The following ARHGAP10 variants were observed in gnomAD, a reference collection of about 807,000 sequenced individuals.
The protein encoded by ARHGAP10 is rho GTPase-activating protein 10.
A neutral mutation model predicts 108.6 loss-of-function variants in ARHGAP10; 87 were observed. That is an observed-to-expected ratio of 0.80 (90% confidence interval 0.67 to 0.96). ARHGAP10 has a LOEUF of 0.96. ARHGAP10 is among the 40% of genes least tolerant of loss of function. The pLI, the probability that ARHGAP10 is intolerant of heterozygous loss-of-function variation, is 0.00. For synonymous variants in ARHGAP10, 347 were observed against 341.1 expected (o/e 1.02, Z -0.19); for missense variants, 939 against 954.5 (o/e 0.98, Z 0.21).
intron 16 of ARHGAP10, among the ~76,000 whole-genome samples, chr4:147,964,639 G>T (rs1739136577): frequency 6.6e-6 from 1 of 152,204 alleles, no homozygotes; most frequent in African/African-American, 2.4e-5. Flanking sequence ...TAGCCTATTT[G>T]CTGATATTTT....
chr4:147,865,674 T>C (rs11723235), intron 6 of ARHGAP10: 144,513 of 152,276 alleles, frequency 0.95, 68,970 homozygotes, highest in Non-Finnish European at 1. Flanking sequence ...ATTAAGATAA[T>C]ATTCACACAG....
At chr4:147,752,431 T>G (rs1425462083) in intron 1 of ARHGAP10, among the ~76,000 whole-genome samples, 1 of 152,098 alleles carries the variant, frequency 6.6e-6, no homozygotes, top group Admixed American at 6.5e-5. Context: ...TACAAAAAAT[T>G]GAAAAAAACG....
chr4:147,851,192 C>T (rs965655966), intron 4 of ARHGAP10, among the ~76,000 whole-genome samples: 4 of 152,044 alleles, frequency 2.6e-5, no homozygotes, highest in African/African-American at 9.7e-5. Flanking sequence ...CAAATTATGA[C>T]TTATCACCTA....
At chr4:147,889,369 G>A (rs548902002) in intron 10 of ARHGAP10, among the ~76,000 whole-genome samples, 2 of 152,278 alleles carry the variant, frequency 1.3e-5, no homozygotes, top group South Asian at 2.1e-4. Flanking sequence ...GCACGATCTC[G>A]GTTCACTGCA....
chr4:147,776,439 C>G (rs1730293731), intron 1 of ARHGAP10, among the ~76,000 whole-genome samples: 1 of 152,084 alleles, frequency 6.6e-6, no homozygotes, highest in Non-Finnish European at 1.5e-5. Context: ...AGGCTGGTCT[C>G]GAAAGGCTGA....
intron 18 of ARHGAP10, among the ~76,000 whole-genome samples, chr4:148,017,180 T>C (rs7678334): frequency 0.2 from 29,871 of 151,964 alleles, 3,915 homozygotes; most frequent in African/African-American, 0.37. Flanking sequence ...AACCCAGCAA[T>C]GCCTGACTGT....
At chr4:147,854,783 C>G in intron 4 of ARHGAP10, 1 of 985,326 alleles carries the variant, frequency 1.0e-6, no homozygotes, top group East Asian at 1.1e-4. Context: ...AAACAAAACA[C>G]AGCAGCATTT....
At chr4:147,858,445 T>G (rs1203603505) in intron 5 of ARHGAP10, 1 of 152,232 alleles carries the variant, frequency 6.6e-6, no homozygotes, top group African/African-American at 2.4e-5. Context: ...GTATTAAGTC[T>G]TGTGTAAACC....
intron 18 of ARHGAP10, among the ~76,000 whole-genome samples, chr4:147,978,518 T>C (rs1739686510): frequency 6.6e-6 from 1 of 151,858 alleles, no homozygotes; most frequent in Admixed American, 6.6e-5. Flanking sequence ...TGATAGTGAG[T>C]TTTTCTCAGA....
chr4:147,973,299 G>A (rs949383682), intron 18 of ARHGAP10, among the ~76,000 whole-genome samples: 5 of 152,196 alleles, frequency 3.3e-5, no homozygotes, highest in African/African-American at 9.7e-5. Flanking sequence ...GTTAGCTTAT[G>A]TCTGAGGTAG....
intron 1 of ARHGAP10, among the ~76,000 whole-genome samples, chr4:147,786,599 A>G (rs548891302): frequency 2.0e-5 from 3 of 152,324 alleles, no homozygotes; most frequent in Admixed American, 2.0e-4. Context: ...AAAAGTTTTA[A>G]TGTTTCAAAG....
intron 18 of ARHGAP10, among the ~76,000 whole-genome samples, chr4:148,015,356 G>A (rs1485646171): frequency 6.6e-6 from 1 of 152,166 alleles, no homozygotes; most frequent in East Asian, 1.9e-4. Flanking sequence ...CTGACTAGTG[G>A]TATGAATATG....
chr4:147,857,798 A>C, intron 5 of ARHGAP10, 144 bp downstream of exon 5: 1 of 689,206 alleles, frequency 1.5e-6, no homozygotes. Context: ...ATAAATTAAG[A>C]AAAAAGTCCT....
intron 1 of ARHGAP10, among the ~76,000 whole-genome samples, chr4:147,785,544 T>C (rs1158754957): frequency 6.6e-6 from 1 of 152,208 alleles, no homozygotes; most frequent in Non-Finnish European, 1.5e-5. Flanking sequence ...TGTATGTATA[T>C]GATATCTAGG....
intron 13 of ARHGAP10, among the ~76,000 whole-genome samples, chr4:147,922,211 G>A (rs995556333): frequency 6.6e-6 from 1 of 152,110 alleles, no homozygotes. Flanking sequence ...CATCAGGCAA[G>A]TTAGGAGGAG....
intron 13 of ARHGAP10, among the ~76,000 whole-genome samples, chr4:147,929,354 ATCATTC>A (rs1182010249): frequency 6.6e-6 from 1 of 152,186 alleles, no homozygotes; most frequent in Non-Finnish European, 1.5e-5. Context: ...AATAGAGAGA[ATCATTC>A]TTCTGTCTGC....
intron 18 of ARHGAP10, among the ~76,000 whole-genome samples, chr4:147,988,263 A>C (rs1392579279): frequency 6.6e-6 from 1 of 152,164 alleles, no homozygotes; most frequent in Non-Finnish European, 1.5e-5. Context: ...TTTATGGCTA[A>C]AACTTGTTTA....
chr4:147,791,535 C>T (rs112320752), intron 1 of ARHGAP10, among the ~76,000 whole-genome samples: 26 of 151,814 alleles, frequency 1.7e-4, no homozygotes, highest in Admixed American at 9.8e-4. Context: ...TGTGTGTGTG[C>T]GCGCGCGTGC....
At chr4:147,892,791 G>A (rs1735837504) in intron 10 of ARHGAP10, among the ~76,000 whole-genome samples, 1 of 152,164 alleles carries the variant, frequency 6.6e-6, no homozygotes, top group Admixed American at 6.5e-5. Context: ...GCTCCTAGGG[G>A]ACACTGGGCA....
Sources: allele counts gnomAD v4.1 joint callset (sites outside exome capture counted in the v4.1 genomes callset), GRCh38; gene constraint gnomAD v4.1.1; transcripts MANE v1.5; gene names NCBI Gene and HGNC (gene_info 2026-07-23, HGNC 2026-07-21).